The following CTNND2 variants were observed in gnomAD, a reference collection of about 807,000 sequenced individuals.
CTNND2 encodes the protein catenin delta 2.
In CTNND2, 22 loss-of-function variants were observed where a neutral mutation model predicts 144.4. The ratio of observed to expected loss-of-function variants is 0.15; its 90% confidence interval spans 0.11 to 0.22. The LOEUF is 0.22. Among genes scored for constraint, CTNND2 ranks in the 10% least tolerant of loss-of-function variants. The pLI, the probability that CTNND2 is intolerant of heterozygous loss-of-function variation, is 1.00. For missense variants in CTNND2, 1,353 were observed against 1,618.8 expected (o/e 0.84, Z 2.82); for synonymous variants, 751 against 695.6 (o/e 1.08, Z -1.25).
Position 11,903,949 on chromosome 5 carries a change from A to G in CTNND2, c.-96T>C, listed in dbSNP as rs1738124283. On this transcript the variant is annotated 5_prime_UTR_variant, in exon 1 of 22. The change abolishes an upstream ATG in the 5' untranslated region. Coordinates refer to ENST00000304623, the MANE Select transcript of CTNND2 (RefSeq NM_001332.4). This position sits in a 1 kb window ranked among gnomAD's most constrained non-coding sequence, Gnocchi z 5.4. Reference sequence around the variant, plus strand: ...GGTCCTGACCTTGCCCAACTGCAGCATCTTCCGCTTTTGTTGTCTGAGCGC... The same window carrying G: ...GGTCCTGACCTTGCCCAACTGCAGCGTCTTCCGCTTTTGTTGTCTGAGCGC... 1 of 1,275,266 alleles carries G rather than the reference A, an allele frequency of 7.8e-7. No individual in the cohort carries two copies. The highest frequency in any genetic ancestry group is 1.0e-6 in the Non-Finnish European group (1 of 1,003,056). 79.0% of individuals were successfully genotyped at this position (1,275,266 alleles called of 1,614,324 possible).
chr5:11,051,270 G>C (rs1745795976), intron 16 of CTNND2, among the ~76,000 whole-genome samples: 1 of 152,214 alleles, frequency 6.6e-6, no homozygotes, highest in Non-Finnish European at 1.5e-5. Flanking sequence ...AGAGAGATAT[G>C]AGTTAACCAA....
At chr5:11,131,370 GA>G (rs1222048700) in intron 12 of CTNND2, among the ~76,000 whole-genome samples, 1 of 152,168 alleles carries the variant, frequency 6.6e-6, no homozygotes, top group African/African-American at 2.4e-5. Flanking sequence ...AGAAGTAGGG[GA>G]ACAGAACTTG....
chr5:10,992,704 G>A (rs368799109), intron 18 of CTNND2, 27 bp from the exon 19 acceptor site: 25 of 1,611,462 alleles, frequency 1.6e-5, no homozygotes, highest in African/African-American at 5.3e-5. Flanking sequence ...GCTCCTGTTA[G>A]ATGGGCAAGA....
intron 3 of CTNND2, among the ~76,000 whole-genome samples, chr5:11,487,791 C>T (rs1480625995): frequency 6.6e-6 from 1 of 152,190 alleles, no homozygotes; most frequent in African/African-American, 2.4e-5. Flanking sequence ...TTTCCAACTC[C>T]ATGCGACCTC....
chr5:11,759,670 G>GTA (rs1688316710), intron 1 of CTNND2, among the ~76,000 whole-genome samples: 1 of 152,028 alleles, frequency 6.6e-6, no homozygotes, highest in South Asian at 2.1e-4. Flanking sequence ...TACATATGAG[G>GTA]TAATAACATT....
intron 11 of CTNND2, among the ~76,000 whole-genome samples, chr5:11,167,103 T>A (rs1759411218): frequency 1.3e-5 from 2 of 152,136 alleles, no homozygotes; most frequent in South Asian, 2.1e-4. Context: ...CAAAGGTCGA[T>A]TCTTTTAGAA....
intron 13 of CTNND2, among the ~76,000 whole-genome samples, chr5:11,113,608 T>A (rs1476646794): frequency 6.6e-6 from 1 of 152,054 alleles, no homozygotes; most frequent in Admixed American, 6.5e-5. Flanking sequence ...GAAAAAAAAA[T>A]AAACTGAGCC....
intron 12 of CTNND2, among the ~76,000 whole-genome samples, chr5:11,123,746 G>A (rs1005679515): frequency 2.0e-5 from 3 of 151,468 alleles, no homozygotes; most frequent in Non-Finnish European, 4.4e-5. Flanking sequence ...CAGCTGATGA[G>A]AACGCATTCC....
intron 9 of CTNND2, among the ~76,000 whole-genome samples, chr5:11,338,818 T>C (rs1451410496): frequency 1.3e-5 from 2 of 152,214 alleles, no homozygotes; most frequent in African/African-American, 4.8e-5. Flanking sequence ...AAAGAACTCT[T>C]GAAAAGGAAG....
chr5:11,170,478 T>G (rs1177165561), intron 11 of CTNND2, among the ~76,000 whole-genome samples: 7 of 152,206 alleles, frequency 4.6e-5, no homozygotes, highest in Non-Finnish European at 7.3e-5. Flanking sequence ...TAACCATAGT[T>G]AATTAAAAAG....
At chr5:11,354,958 C>G (rs1205920851) in intron 8 of CTNND2, among the ~76,000 whole-genome samples, 3 of 152,068 alleles carry the variant, frequency 2.0e-5, no homozygotes, top group African/African-American at 4.8e-5. Flanking sequence ...GGAAACTTTA[C>G]AAATACATGG....
At chr5:11,110,431 T>C (rs576339712) in intron 14 of CTNND2, among the ~76,000 whole-genome samples, 1 of 152,314 alleles carries the variant, frequency 6.6e-6, no homozygotes, top group East Asian at 1.9e-4. Flanking sequence ...AAACCAGCGA[T>C]TAAATACATG....
rs527500887 is a variant in CTNND2, at chr5:11,281,093, T to C, written c.1629-44270A>G. On this transcript the variant is annotated intron_variant, in intron 9 of 21. Coordinates refer to ENST00000304623, the MANE Select transcript of CTNND2 (RefSeq NM_001332.4). ...CCAGACAAATTAACGACCATGTAGC[T>C]AGTGTATTGCAAAAAATATTATATC... Among the ~76,000 whole-genome samples the C allele has an allele frequency of 3.3e-5, 5 of 152,322 alleles. No homozygotes were observed. The South Asian group carries it at 1.0e-3, about 32-fold the overall frequency.
At chr5:11,438,216 A>G (rs1281442294) in intron 3 of CTNND2, among the ~76,000 whole-genome samples, 2 of 152,220 alleles carry the variant, frequency 1.3e-5, no homozygotes, top group Non-Finnish European at 2.9e-5. Flanking sequence ...CAATTACAAA[A>G]ATACAACCAC....
At chr5:11,078,417 C>T (rs1202396223) in intron 16 of CTNND2, among the ~76,000 whole-genome samples, 1 of 152,146 alleles carries the variant, frequency 6.6e-6, no homozygotes, top group Non-Finnish European at 1.5e-5. Flanking sequence ...TAGATATTTT[C>T]CCTTCTACTT....
intron 1 of CTNND2, among the ~76,000 whole-genome samples, chr5:11,763,464 G>A (rs563169787): frequency 1.3e-5 from 2 of 152,240 alleles, no homozygotes; most frequent in South Asian, 4.1e-4. Flanking sequence ...GACCCATTCT[G>A]CACAGGTTAT....
At chr5:11,492,535 GTA>G (rs1176618295) in intron 3 of CTNND2, among the ~76,000 whole-genome samples, 4 of 143,694 alleles carry the variant, frequency 2.8e-5, no homozygotes, top group South Asian at 2.3e-4. Flanking sequence ...GTGTGTGTGT[GTA>G]TGTGTGTGTA....
At chr5:11,002,586 G>A (rs1740068727) in intron 18 of CTNND2, among the ~76,000 whole-genome samples, 1 of 152,150 alleles carries the variant, frequency 6.6e-6, no homozygotes, top group East Asian at 1.9e-4. Context: ...GGTGATTATG[G>A]GGAGAGAAAA....
intron 1 of CTNND2, among the ~76,000 whole-genome samples, chr5:11,798,988 T>G (rs1172696811): frequency 6.6e-6 from 1 of 152,196 alleles, no homozygotes; most frequent in South Asian, 2.1e-4. Context: ...GTTTCATTCA[T>G]GTACAAGAGT....
Sources: allele counts gnomAD v4.1 joint callset (sites outside exome capture counted in the v4.1 genomes callset), GRCh38; gene constraint gnomAD v4.1.1; non-coding constraint Gnocchi (gnomAD v3.1); transcripts MANE v1.5; gene names NCBI Gene and HGNC (gene_info 2026-07-23, HGNC 2026-07-21).